Variants in ADORA2B observed in about 807,000 individuals in gnomAD.
ADORA2B encodes the protein adenosine A2b receptor, also known as adenosine receptor A2b.
Under a neutral mutation model 20.8 loss-of-function variants are expected in ADORA2B, and 18 were observed. The observed-to-expected ratio is 0.87, with a 90% CI of 0.60 to 1.29. The LOEUF (loss-of-function observed/expected upper bound fraction) is 1.29. ADORA2B is among the 50% of genes most tolerant of loss of function. ADORA2B has a pLI of 0.00. For synonymous variants in ADORA2B, 179 were observed against 178.3 expected (o/e 1.00, Z -0.03); for missense variants, 441 against 422.7 (o/e 1.04, Z -0.38).
At position 15,964,864 on chromosome 17, in the gene ADORA2B, A is replaced by C. The variant is rs550119729; in HGVS notation, c.336-9815A>C. ...ATCACGAGGTCAGGAGATCGAGACC[A>C]TCCTGGCTAACACGGTGAAACCCCG... On this transcript the variant is annotated intron_variant, in intron 1 of 1. Transcript: ENST00000304222. Among the ~76,000 whole-genome samples the C allele has an allele frequency of 7.4e-4, 113 of 152,078 alleles. 1 individual carries two copies. The highest frequency in any genetic ancestry group is 3.4e-3 in the Middle Eastern group (1 of 294).
the ADORA2B span, among the ~76,000 whole-genome samples, chr17:15,870,139 C>G: frequency 6.8e-6 from 1 of 148,092 alleles, no homozygotes; most frequent in African/African-American, 2.5e-5. Context: ...TGAGTAGTTG[C>G]AACAGAAATT....
chr17:15,854,074 G>A, the ADORA2B span, among the ~76,000 whole-genome samples: 2 of 152,210 alleles, frequency 1.3e-5, no homozygotes, highest in African/African-American at 4.8e-5. Flanking sequence ...TCCTGCCTCA[G>A]CCTCCCAAGT....
chr17:15,923,206 A>ATTCTTTTTTTTTTTTTTTTTTTTTTT, the ADORA2B span, among the ~76,000 whole-genome samples: 1 of 113,528 alleles, frequency 8.8e-6, no homozygotes, highest in African/African-American at 3.6e-5. Context: ...TCTTTTTTTA[A>ATTCTTTTTTTTTTTTTTTTTTTTTTT]TTTTTTTTTT....
At chr17:15,905,288 G>GA in the ADORA2B span, among the ~76,000 whole-genome samples, 3 of 150,966 alleles carry the variant, frequency 2.0e-5, no homozygotes, top group Non-Finnish European at 4.4e-5. Context: ...TGTTGTTGGG[G>GA]GGGGGTTGCG....
At chr17:15,889,418 G>T in the ADORA2B span, among the ~76,000 whole-genome samples, 1 of 128,962 alleles carries the variant, frequency 7.8e-6, no homozygotes, top group Non-Finnish European at 1.6e-5. Context: ...AAATGCGCAG[G>T]TCCAACCTTT....
chr17:15,889,927 T>G, the ADORA2B span, among the ~76,000 whole-genome samples: 5 of 129,658 alleles, frequency 3.9e-5, 2 homozygotes, highest in Non-Finnish European at 8.1e-5. Context: ...AAAAATTTTC[T>G]TAGCCTAATT....
At chr17:15,970,360 C>T (rs1157356612) in intron 1 of ADORA2B, among the ~76,000 whole-genome samples, 3 of 152,158 alleles carry the variant, frequency 2.0e-5, no homozygotes, top group Non-Finnish European at 4.4e-5. Flanking sequence ...CAGTTTTGCA[C>T]ATGTGTCGGA....
the ADORA2B span, among the ~76,000 whole-genome samples, chr17:15,856,240 A>G: frequency 6.7e-6 from 1 of 149,658 alleles, no homozygotes; most frequent in Non-Finnish European, 1.5e-5. Context: ...CTCCACATGC[A>G]CTCTGTCTTT....
chr17:15,874,533 AAAAT>A, the ADORA2B span, among the ~76,000 whole-genome samples: 1 of 151,822 alleles, frequency 6.6e-6, no homozygotes, highest in African/African-American at 2.4e-5. Context: ...ACCAAAAAAA[AAAAT>A]AAATAATAAG....
At chr17:15,946,564 C>T (rs1969809315) in intron 1 of ADORA2B, among the ~76,000 whole-genome samples, 1 of 152,222 alleles carries the variant, frequency 6.6e-6, no homozygotes, top group Non-Finnish European at 1.5e-5. Context: ...GAAACTAAAT[C>T]ACAGAGTAGG....
the ADORA2B span, among the ~76,000 whole-genome samples, chr17:15,860,078 C>G: frequency 6.6e-6 from 1 of 152,168 alleles, no homozygotes; most frequent in South Asian, 2.1e-4. Context: ...CTGTCCTGTT[C>G]TGTTCCGTTC....
At chr17:15,866,394 T>C in the ADORA2B span, among the ~76,000 whole-genome samples, 4 of 152,270 alleles carry the variant, frequency 2.6e-5, no homozygotes, top group East Asian at 7.7e-4. Context: ...ATTTTTCTTT[T>C]GGCAGTGGAG....
At chr17:15,868,159 G>A in the ADORA2B span, among the ~76,000 whole-genome samples, 2 of 141,284 alleles carry the variant, frequency 1.4e-5, no homozygotes, top group Non-Finnish European at 3.1e-5. Flanking sequence ...TTGTTAAACA[G>A]ATGCTTGAAG....
the ADORA2B span, among the ~76,000 whole-genome samples, chr17:15,865,184 ATAAGTT>A: frequency 6.6e-6 from 1 of 152,248 alleles, no homozygotes; most frequent in African/African-American, 2.4e-5. Flanking sequence ...AATACCTGGT[ATAAGTT>A]TAAGTTTTTT....
At chr17:15,876,988 A>T in the ADORA2B span, among the ~76,000 whole-genome samples, 3 of 152,190 alleles carry the variant, frequency 2.0e-5, no homozygotes, top group Non-Finnish European at 4.4e-5. Context: ...ACCTCATGTA[A>T]GTGAAATCAT....
upstream of ADORA2B, among the ~76,000 whole-genome samples, chr17:15,942,261 G>A (rs1969751870): frequency 6.6e-6 from 1 of 152,072 alleles, no homozygotes. Context: ...CCTCATGATA[G>A]TGAGTGAGTT....
intron 1 of ADORA2B, among the ~76,000 whole-genome samples, chr17:15,946,530 CTT>C (rs975682037): frequency 6.6e-6 from 1 of 152,200 alleles, no homozygotes; most frequent in Non-Finnish European, 1.5e-5. Context: ...CTTGAGATCT[CTT>C]TAAATTTGGA....
chr17:15,967,607 A>G (rs1970137252), intron 1 of ADORA2B, among the ~76,000 whole-genome samples: 1 of 152,154 alleles, frequency 6.6e-6, no homozygotes, highest in Non-Finnish European at 1.5e-5. Context: ...GGGGAAGGAC[A>G]CTTCCTCAGC....
the ADORA2B span, among the ~76,000 whole-genome samples, chr17:15,885,126 G>A: frequency 2.0e-5 from 3 of 152,288 alleles, no homozygotes; most frequent in East Asian, 5.8e-4. Flanking sequence ...ACTGGTGTGA[G>A]ATGGTATCTC....
Sources: allele counts gnomAD v4.1 joint callset (sites outside exome capture counted in the v4.1 genomes callset), GRCh38; gene constraint gnomAD v4.1.1; transcripts MANE v1.5; gene names NCBI Gene and HGNC (gene_info 2026-07-23, HGNC 2026-07-21).